NFIB: variants seen among roughly 807,000 people sequenced by gnomAD.
NFIB encodes nuclear factor I B, also known as nuclear factor 1 B-type.
A neutral mutation model predicts 61.5 loss-of-function variants in NFIB; 11 were observed. That is an observed-to-expected ratio of 0.18 (90% CI 0.11 to 0.30). NFIB has a LOEUF of 0.30. Among genes scored for constraint, NFIB ranks in the 10% least tolerant of loss-of-function variants. The pLI, the probability that NFIB is intolerant of heterozygous loss-of-function variation, is 1.00. For missense variants in NFIB, 471 were observed against 608.9 expected (o/e 0.77, Z 2.38); for synonymous variants, 260 against 216.5 (o/e 1.20, Z -1.76).
chr9:14,388,535 A>G lies in NFIB; in HGVS notation c.108+9989T>C, dbSNP rs546662959. ...GGGAAGGGAGGGAGAGAGGGAAGGG[A>G]AGGAGGGAAAAATGCAAAAGAATAC... On this transcript the variant is annotated intron_variant, in intron 1 of 8. Coordinates refer to the NFIB transcript ENST00000380934. Among the ~76,000 whole-genome samples the G allele has an allele frequency of 7.2e-5, 11 of 151,964 alleles. No homozygotes were observed. In the South Asian group the frequency reaches 2.3e-3, roughly 32 times the overall value.
the NFIB span, among the ~76,000 whole-genome samples, chr9:14,507,331 T>TA: frequency 6.6e-6 from 1 of 152,260 alleles, no homozygotes; most frequent in African/African-American, 2.4e-5. Context: ...AGTGGAGCTT[T>TA]AAAGATGTAT....
chr9:14,099,371 C>A (rs533434843), intron 10 of NFIB, among the ~76,000 whole-genome samples: 1 of 152,088 alleles, frequency 6.6e-6, no homozygotes, highest in African/African-American at 2.4e-5. Flanking sequence ...CATAGCCATG[C>A]CCTGAAGATT....
chr9:14,373,277 G>A (rs1351091144), intron 1 of NFIB, among the ~76,000 whole-genome samples: 6 of 152,196 alleles, frequency 3.9e-5, no homozygotes. Context: ...TTACAGTGGT[G>A]TGAATCTCTT....
At chr9:14,406,523 G>C in the NFIB span, among the ~76,000 whole-genome samples, 5 of 152,276 alleles carry the variant, frequency 3.3e-5, no homozygotes, top group South Asian at 1.0e-3. Flanking sequence ...TCTTTCTTGG[G>C]GAGTGTGTGA....
intron 1 of NFIB, among the ~76,000 whole-genome samples, chr9:14,348,969 G>T (rs1158590848): frequency 6.6e-6 from 1 of 152,190 alleles, no homozygotes; most frequent in Non-Finnish European, 1.5e-5. Flanking sequence ...CCAACACCCG[G>T]CACTTTTCCC....
At chr9:14,134,573 A>C (rs556598054) in intron 6 of NFIB, among the ~76,000 whole-genome samples, 30 of 152,286 alleles carry the variant, frequency 2.0e-4, no homozygotes, top group Non-Finnish European at 1.3e-4. Flanking sequence ...TGGTGTAGCC[A>C]AAGTGTGGCA....
At chr9:14,458,854 AAGG>A in the NFIB span, among the ~76,000 whole-genome samples, 2 of 151,746 alleles carry the variant, frequency 1.3e-5, no homozygotes, top group Non-Finnish European at 2.9e-5. Flanking sequence ...ACCACTGCTC[AAGG>A]AAATAAAAGA....
At chr9:14,259,845 C>T (rs2056583279) in intron 2 of NFIB, among the ~76,000 whole-genome samples, 2 of 152,194 alleles carry the variant, frequency 1.3e-5, no homozygotes, top group South Asian at 4.1e-4. Context: ...GCAGAGGTTG[C>T]AGTCAGCTGA....
chr9:14,151,146 G>A (rs1186368918), intron 4 of NFIB, among the ~76,000 whole-genome samples: 2 of 152,028 alleles, frequency 1.3e-5, no homozygotes, highest in Non-Finnish European at 2.9e-5. Context: ...TTATTTTGAG[G>A]ATGAAATGAA....
At chr9:14,124,184 G>A (rs1251234796) in intron 7 of NFIB, among the ~76,000 whole-genome samples, 1 of 152,032 alleles carries the variant, frequency 6.6e-6, no homozygotes, top group African/African-American at 2.4e-5. Context: ...CTCCTGTTTC[G>A]TTATATAAAA....
chr9:14,237,278 A>G lies in NFIB; in HGVS notation c.563-57498T>C, dbSNP rs527630866. On this transcript the variant is annotated intron_variant, in intron 2 of 10. Coordinates refer to ENST00000380953, the MANE Select transcript of NFIB (RefSeq NM_001190737.2). The stretch of plus-strand genomic sequence containing the variant: ...ACTTCCAATGCTCTCTTTAGAGCCA[A>G]TTTCTTTCATCTATCTCATCCTATT... 2.0e-4 allele frequency among the ~76,000 whole-genome samples: 30 copies of G among 152,224 alleles called. No homozygotes were observed. The South Asian group carries it at 2.9e-3, about 15-fold the overall frequency.
chr9:14,431,369 A>C, the NFIB span, among the ~76,000 whole-genome samples: 2 of 152,200 alleles, frequency 1.3e-5, no homozygotes. Context: ...TTTAAAAAAA[A>C]ACTTCTGAAG....
intron 2 of NFIB, among the ~76,000 whole-genome samples, chr9:14,195,117 C>A (rs1251739103): frequency 6.6e-6 from 1 of 151,852 alleles, no homozygotes; most frequent in Non-Finnish European, 1.5e-5. Context: ...AAGAATTGAA[C>A]TGAAACCATT....
chr9:14,438,497 C>A, the NFIB span, among the ~76,000 whole-genome samples: 23 of 152,290 alleles, frequency 1.5e-4, no homozygotes, highest in Non-Finnish European at 2.8e-4. Flanking sequence ...GTGATTTTCC[C>A]CCTTGCTTAT....
At chr9:14,471,939 T>C in the NFIB span, among the ~76,000 whole-genome samples, 1 of 152,212 alleles carries the variant, frequency 6.6e-6, no homozygotes, top group Non-Finnish European at 1.5e-5. Flanking sequence ...TTCTAGCTAC[T>C]TGGCACCCCT....
chr9:14,131,557 C>T (rs150979978), intron 6 of NFIB, among the ~76,000 whole-genome samples: 1 of 152,192 alleles, frequency 6.6e-6, no homozygotes, highest in African/African-American at 2.4e-5. Flanking sequence ...GCAGCTTGCA[C>T]AAATTGCGCT....
the NFIB span, among the ~76,000 whole-genome samples, chr9:14,481,948 C>G: frequency 6.6e-6 from 1 of 152,108 alleles, no homozygotes; most frequent in African/African-American, 2.4e-5. Context: ...TTGGTCCTCT[C>G]CCAGTTATTG....
the NFIB span, among the ~76,000 whole-genome samples, chr9:14,432,340 G>A: frequency 2.0e-3 from 298 of 152,322 alleles, 1 homozygote; most frequent in African/African-American, 6.9e-3. Context: ...GAGATAGTTG[G>A]TTCTGGTCAT....
rs113087111 is a variant in NFIB, at chr9:14,103,342, TGG to T, written c.1467+9655_1467+9656del. ...CTTAAGAAAGTAAACTTATCTGGGT[TGG>T]GGGGGGGGAAACACAGTAGAAAATC... is the stretch of plus-strand genomic sequence containing the variant. On this transcript the variant is annotated intron_variant, in intron 10 of 10. Coordinates refer to ENST00000380953, the MANE Select transcript of NFIB (RefSeq NM_001190737.2). Among the ~76,000 whole-genome samples the T allele has an allele frequency of 3.0e-5, 4 of 133,686 alleles. No individual in the cohort carries two copies. The East Asian group carries it at 9.8e-4, about 33-fold the overall frequency. The allele number at this position is 133,686 out of a possible 152,430, so 87.7% of individuals were successfully genotyped here. A position where few individuals can be genotyped will look rare whatever the true frequency, so the allele number is the denominator to read the frequency against.
Sources: gnomAD v4.1 joint callset for allele counts (sites outside exome capture counted in the v4.1 genomes callset) on GRCh38, gnomAD v4.1.1 for gene constraint, MANE v1.5 for transcripts, NCBI Gene and HGNC (gene_info 2026-07-23, HGNC 2026-07-21) for gene names.